The following TRRAP variants were observed in gnomAD, a reference collection of about 807,000 sequenced individuals.
TRRAP encodes the protein transformation/transcription domain-associated protein.
Under a neutral mutation model 438.8 loss-of-function variants are expected in TRRAP, and 41 were observed. The ratio of observed to expected loss-of-function variants is 0.09; its 90% CI spans 0.07 to 0.12. The LOEUF is 0.12. Ranked by LOEUF, TRRAP falls within the 10% of genes least tolerant of loss-of-function variation. The pLI, the probability that TRRAP is intolerant of heterozygous loss-of-function variation, is 1.00. For missense variants in TRRAP, 3,122 were observed against 5,055.1 expected, an observed-to-expected ratio of 0.62 and a Z score of 11.60; for synonymous variants, 1,994 against 1,962.9, an observed-to-expected ratio of 1.02 and a Z score of -0.42.
intron 3 of TRRAP, among the ~76,000 whole-genome samples, chr7:98,887,157 C>A (rs1430041238): frequency 1.3e-5 from 2 of 152,130 alleles, no homozygotes; most frequent in East Asian, 3.8e-4. Flanking sequence ...TGGGCCCAAG[C>A]AATAGTCCCA....
At chr7:98,895,656 T>C in intron 6 of TRRAP, 108 bp from the exon 7 acceptor site, 1 of 855,818 alleles carries the variant, frequency 1.2e-6, no homozygotes, top group Non-Finnish European at 1.7e-6. Context: ...TTTCCTTACC[T>C]CTCTTATGAG....
intron 3 of TRRAP, among the ~76,000 whole-genome samples, chr7:98,883,748 A>G (rs547958546): frequency 1.3e-5 from 2 of 152,236 alleles, no homozygotes; most frequent in African/African-American, 4.8e-5. Context: ...TCCTGGACTC[A>G]AAGGATCCAC....
chr7:98,966,005 T>G, intron 49 of TRRAP, 110 bp downstream of exon 49: 1 of 1,219,700 alleles, frequency 8.2e-7, no homozygotes, highest in African/African-American at 1.5e-5. Flanking sequence ...TCTGCTGTAA[T>G]TGCACTCACA....
rs1793578836 is a variant in TRRAP at position 98,994,905 on chromosome 7, C to T, written c.10309+57C>T. The T allele has an allele frequency of 3.8e-6, 6 of 1,587,304 alleles. 1 individual carries two copies. In the South Asian group the frequency reaches 4.6e-5, roughly 12 times the overall value. ...GAGAATTGTGCACGCTGATTTCCTC[C>T]GGCTTTAGTGTTGAAGCTGATTGGA... On this transcript the variant is annotated intron_variant, in intron 67 of 72. Coordinates refer to ENST00000456197, the MANE Select transcript of TRRAP (RefSeq NM_001375524.1). The surrounding 1 kb of genome is among the most constrained non-coding windows in gnomAD (Gnocchi z 4.8).
chr7:98,918,984 CAAA>C (rs782343068), intron 20 of TRRAP, among the ~76,000 whole-genome samples: 6 of 73,538 alleles, frequency 8.2e-5, no homozygotes, highest in South Asian at 4.2e-4. Flanking sequence ...TAAACTGTCT[CAAA>C]AAAAAAAAAA....
At chr7:98,997,361 T>C (rs1793714336) in intron 67 of TRRAP, among the ~76,000 whole-genome samples, 1 of 151,646 alleles carries the variant, frequency 6.6e-6, no homozygotes, top group Non-Finnish European at 1.5e-5. Context: ...TTCCAAAAAA[T>C]CTTACTTTAC....
chr7:99,006,768 C>T (rs1459139147), intron 69 of TRRAP, among the ~76,000 whole-genome samples: 1 of 152,248 alleles, frequency 6.6e-6, no homozygotes, highest in Non-Finnish European at 1.5e-5. Flanking sequence ...CTCCCTCCAA[C>T]TTCATTGCAA....
intron 70 of TRRAP, among the ~76,000 whole-genome samples, chr7:99,009,081 G>GT (rs1424937693): frequency 6.6e-6 from 1 of 152,170 alleles, no homozygotes; most frequent in Non-Finnish European, 1.5e-5. Flanking sequence ...CCGGAGCATG[G>GT]TGCCCGCAGG....
At position 98,937,214 on chromosome 7, in the gene TRRAP, C is replaced by G; in HGVS notation, c.4170C>G (p.Leu1390=). 6.2e-7 allele frequency: 1 copy of G among 1,613,812 alleles called. No individual in the cohort carries two copies. The change falls in exon 29 of 73, where the codon CTC becomes CTG. Residue 1390 remains leucine (L), a synonymous_variant. Coordinates refer to ENST00000456197, the MANE Select transcript of TRRAP (RefSeq NM_001375524.1). ...CCAGGGAGAAAATCATCGCTGCACT[C>G]TTCAAAGCCCTGAATTCCACCAATA... ...PQSREKIIAA[L]FKALNSTNSE... is the part of the protein sequence containing the mutation.
intron 30 of TRRAP, 135 bp downstream of exon 30, chr7:98,937,955 G>A (rs990123900): frequency 1.5e-5 from 15 of 984,186 alleles, no homozygotes; most frequent in East Asian, 9.7e-5. Flanking sequence ...TGGGTGGATC[G>A]CTTGCAGTTG....
rs148895570 is a variant in TRRAP at position 98,925,191 on chromosome 7, A to G, written c.2903A>G (p.Lys968Arg). The G allele has an allele frequency of 8.4e-5, 136 of 1,614,048 alleles. No homozygotes were observed. Among genetic ancestry groups the G allele is most frequent in the East Asian group, 2.5e-4 (11 of 44,896 alleles). The change falls in exon 22 of 73, where the codon AAA (lysine) becomes AGA (arginine). Residue 968 changes from lysine to arginine, a missense_variant. By Grantham distance (26) the Lys-to-Arg change is conservative (BLOSUM62 2). Around this residue, in one of 24 missense-constraint regions of TRRAP, gnomAD observed 133 missense variants for 188.6 expected, o/e 0.71. Coordinates refer to ENST00000456197, the MANE Select transcript of TRRAP (RefSeq NM_001375524.1). ...YYRRQAWEVI[K>R]CFLVAMMSLE... Reference sequence around the variant, plus strand: ...CGGAGGCAGGCGTGGGAAGTGATCAAATGCTTCCTGGTGGCCATGATGAGC... The same window carrying G: ...CGGAGGCAGGCGTGGGAAGTGATCAGATGCTTCCTGGTGGCCATGATGAGC...
In TRRAP at chr7:98,897,773, C is replaced by G. The variant is rs150341749; in HGVS notation, c.540C>G (p.Pro180=). Residue 180 remains proline, a synonymous_variant, in exon 8 of 73, where the codon CCC becomes CCG. Coordinates refer to ENST00000456197, the MANE Select transcript of TRRAP (RefSeq NM_001375524.1). ...NRYFENPQVI[P]ENTVPPPEMV... is the part of the protein sequence containing the mutation. ...ACTTTGAGAACCCTCAAGTGATCCC[C>G]GAGAACACAGTGCCTCCCCCAGAAA... is the stretch of plus-strand genomic sequence containing the variant. 1 of 1,613,666 alleles carries G rather than the reference C, an allele frequency of 6.2e-7. No homozygotes were observed. The highest frequency in any genetic ancestry group is 8.5e-7 in the Non-Finnish European group (1 of 1,179,962).
chr7:98,911,313 C>T, intron 17 of TRRAP, 42 bp downstream of exon 17: 2 of 1,511,580 alleles, frequency 1.3e-6, no homozygotes, highest in Non-Finnish European at 1.8e-6. Flanking sequence ...CATTACAATT[C>T]TTTGTTTATG....
intron 21 of TRRAP, among the ~76,000 whole-genome samples, chr7:98,923,669 G>A (rs1789906306): frequency 1.3e-5 from 2 of 152,234 alleles, no homozygotes; most frequent in Non-Finnish European, 2.9e-5. Context: ...GGACACTCAA[G>A]CTGGGGTTCA....
At position 99,008,573 on chromosome 7, in the gene TRRAP, G is replaced by A; in HGVS notation, c.10938+12G>A. ...AAGCCAGCCACCAGGTAGCAGTGGG[G>A]CCGGGCCGGGGGCCGAGCTGCCGCC... On this transcript the variant is annotated intron_variant, in intron 70 of 72. Transcript: ENST00000456197. 1 of 1,612,078 alleles carries A rather than the reference G, an allele frequency of 6.2e-7. No individual in the cohort carries two copies. Among genetic ancestry groups the A allele is most frequent in the Non-Finnish European group, 8.5e-7 (1 of 1,179,422 alleles).
chr7:98,963,015 C>G (rs1440381519), intron 47 of TRRAP, among the ~76,000 whole-genome samples: 1 of 152,144 alleles, frequency 6.6e-6, no homozygotes, highest in South Asian at 2.1e-4. Context: ...ATTGCATATT[C>G]ATTGGGTGAA....
At chr7:98,970,825 T>A (rs1218700496) in intron 52 of TRRAP, among the ~76,000 whole-genome samples, 2 of 152,192 alleles carry the variant, frequency 1.3e-5, no homozygotes, top group East Asian at 3.9e-4. Context: ...AGCAGCCTGC[T>A]CAGAACCCAT....
chr7:98,964,827 C>T, intron 48 of TRRAP, 52 bp downstream of exon 48: 1 of 1,562,216 alleles, frequency 6.4e-7, no homozygotes, highest in Non-Finnish European at 8.7e-7. Context: ...GAACAGAGAA[C>T]AGACTCTGTT....
chr7:98,892,384 A>G, intron 4 of TRRAP, 40 bp from the exon 5 acceptor site: 1 of 1,507,974 alleles, frequency 6.6e-7, no homozygotes, highest in Non-Finnish European at 9.2e-7. Context: ...AACCCTTGGA[A>G]GTATTTTTAT....
Sources: allele counts gnomAD v4.1 joint callset (sites outside exome capture counted in the v4.1 genomes callset), GRCh38; gene constraint gnomAD v4.1.1; regional missense constraint gnomAD v4.1.1; non-coding constraint Gnocchi (gnomAD v3.1); transcripts MANE v1.5; gene names NCBI Gene and HGNC (gene_info 2026-07-23, HGNC 2026-07-21).